DST: variants seen among roughly 807,000 people sequenced by gnomAD.
The protein encoded by DST is bullous pemphigoid antigen.
Under a neutral mutation model 875.2 loss-of-function variants are expected in DST, and 253 were observed. The observed-to-expected ratio is 0.29, with a 90% CI of 0.26 to 0.32. DST has a LOEUF of 0.32. Among genes scored for constraint, DST ranks in the 10% least tolerant of loss-of-function variants. The pLI is 1.00. For missense variants in DST, 8,287 were observed against 9,111.6 expected (o/e 0.91, Z 3.68); for synonymous variants, 3,124 against 3,197.1 (o/e 0.98, Z 0.77).
intron 7 of DST, among the ~76,000 whole-genome samples, chr6:56,703,378 G>A (rs1251622689): frequency 6.6e-6 from 1 of 152,074 alleles, no homozygotes; most frequent in Non-Finnish European, 1.5e-5. Flanking sequence ...TAACTAAAAT[G>A]CCATCATGTA....
At chr6:56,515,233 T>A (rs1287803502) in intron 72 of DST, among the ~76,000 whole-genome samples, 1 of 149,200 alleles carries the variant, frequency 6.7e-6, no homozygotes, top group East Asian at 2.0e-4. Flanking sequence ...AAAGTTGTGA[T>A]GTAATTAATG....
chr6:56,718,320 A>T (rs1176301139), intron 5 of DST, among the ~76,000 whole-genome samples: 1 of 152,234 alleles, frequency 6.6e-6, no homozygotes, highest in Non-Finnish European at 1.5e-5. Context: ...GATGCTCAAC[A>T]TTATTAGTCA....
intron 4 of DST, among the ~76,000 whole-genome samples, chr6:56,740,130 A>C (rs34566275): frequency 0.12 from 17,791 of 152,260 alleles, 1,424 homozygotes; most frequent in Middle Eastern, 0.19. Context: ...TGTTGGGATT[A>C]CAAAGTGTAG....
chr6:56,829,102 T>C (rs570584184), intron 4 of DST, among the ~76,000 whole-genome samples: 1 of 152,222 alleles, frequency 6.6e-6, no homozygotes, highest in East Asian at 1.9e-4. Context: ...AAAAGTACTA[T>C]GAAAAAAATC....
At chr6:56,485,194 T>G (rs1291069534) in intron 88 of DST, 118 bp downstream of exon 88, 2 of 1,128,042 alleles carry the variant, frequency 1.8e-6, no homozygotes, top group Admixed American at 2.1e-5. Context: ...CAATAAAGAC[T>G]GTTATGTAGT....
At chr6:56,901,269 A>C (rs532575961) in intron 2 of DST, among the ~76,000 whole-genome samples, 270 of 152,378 alleles carry the variant, frequency 1.8e-3, no homozygotes, top group Admixed American at 3.4e-3. Flanking sequence ...CATTCCACTC[A>C]CAGGGCTTTT....
At chr6:56,493,905 A>C (rs2095832157) in intron 83 of DST, 105 bp downstream of exon 83, 2 of 866,004 alleles carry the variant, frequency 2.3e-6, no homozygotes, top group South Asian at 7.7e-5. Flanking sequence ...TTAAACATAA[A>C]TCATTGAAAG....
Position 56,624,544 on chromosome 6 carries a change from G to C in DST, c.4915C>G (p.Leu1639Val). The change falls in exon 36 of 104, where the codon CTG becomes GTG. Residue 1639 changes from leucine to valine, a missense_variant. Physicochemically the swap from Leu to Val is conservative, Grantham distance 32. Coordinates refer to ENST00000680361, the MANE Select transcript of DST (RefSeq NM_001374736.1). The part of the protein sequence containing the change: ...IKFAGDSLKR[L>V]EEEEKSLEEE... Reference sequence around the variant, plus strand: ...TTAATGATTACCTCCTCCTCTTCCAGCCTCTTCAATGAATCACCAGCAAAT... The same window carrying C: ...TTAATGATTACCTCCTCCTCTTCCACCCTCTTCAATGAATCACCAGCAAAT... The C allele has an allele frequency of 6.2e-7, 1 of 1,610,714 alleles. No individual in the cohort carries two copies. Among genetic ancestry groups the C allele is most frequent in the East Asian group, 2.2e-5 (1 of 44,844 alleles).
Position 56,614,475 on chromosome 6 carries a change from C to T in DST, c.4939G>A (p.Glu1647Lys). Residue 1647 changes from glutamate (E) to lysine (K), a missense_variant, in exon 37 of 104, where the codon GAA becomes AAA. Physicochemically the swap from Glu to Lys is moderately conservative, Grantham distance 56. Transcript: ENST00000680361. ...KRLEEEEKSL[E>K]EEKKEHVEKA... ...TCAACATGTTCTTTCTTTTCTTCTTCCAGTGACTTCTGACAGTTGTGAGCG... is the reference window on the plus strand; with the variant it reads ...TCAACATGTTCTTTCTTTTCTTCTTTCAGTGACTTCTGACAGTTGTGAGCG... 1 of 1,603,326 alleles carries T rather than the reference C, an allele frequency of 6.2e-7. No individual in the cohort carries two copies. The highest frequency in any genetic ancestry group is 8.5e-7 in the Non-Finnish European group (1 of 1,175,312).
chr6:56,762,493 G>A (rs905633815), intron 4 of DST, among the ~76,000 whole-genome samples: 1 of 152,138 alleles, frequency 6.6e-6, no homozygotes, highest in Non-Finnish European at 1.5e-5. Flanking sequence ...ATGGCTGCCC[G>A]CACTCACAAT....
chr6:56,598,714 T>C lies in DST; in HGVS notation c.11695-5A>G. 6.5e-7 allele frequency: 1 copy of C among 1,528,410 alleles called. No homozygotes were observed. Among genetic ancestry groups the C allele is most frequent in the Non-Finnish European group, 8.8e-7 (1 of 1,133,512 alleles). 94.7% of individuals were successfully genotyped at this position (1,528,410 alleles called of 1,614,324 possible). A position where few individuals can be genotyped will look rare whatever the true frequency, so the allele number is the denominator to read the frequency against. On this transcript the variant is annotated splice_polypyrimidine_tract_variant and splice_region_variant and intron_variant, in intron 45 of 103. Transcript: ENST00000680361. The stretch of plus-strand genomic sequence containing the variant: ...TTGCATATCTTTCTGTAATTCCTTA[T>C]AACACAAAAGGAAAAAATATATTTT...
chr6:56,647,819 G>C (rs577973669), intron 13 of DST, among the ~76,000 whole-genome samples: 184 of 151,856 alleles, frequency 1.2e-3, no homozygotes, highest in African/African-American at 4.2e-3. Context: ...CTGAGTAACT[G>C]GGATTACAAG....
chr6:56,636,987 G>A (rs563396295), intron 22 of DST, among the ~76,000 whole-genome samples: 2 of 152,246 alleles, frequency 1.3e-5, no homozygotes, highest in South Asian at 2.1e-4. Context: ...GGAGGCCAAG[G>A]CAGGAGAATT....
chr6:56,717,007 C>T (rs1024660153), intron 5 of DST, among the ~76,000 whole-genome samples: 4 of 151,858 alleles, frequency 2.6e-5, no homozygotes, highest in African/African-American at 9.7e-5. Context: ...CGGTGAAACC[C>T]CATCTCTACT....
At chr6:56,779,482 T>G (rs1018791268) in intron 4 of DST, among the ~76,000 whole-genome samples, 30 of 152,228 alleles carry the variant, frequency 2.0e-4, no homozygotes, top group African/African-American at 6.0e-4. Context: ...TGAATGGTAT[T>G]GTCTAGGTTT....
chr6:56,627,191 T>C lies in DST; in HGVS notation c.4722+13A>G, dbSNP rs777712696. On this transcript the variant is annotated intron_variant, in intron 34 of 103. Coordinates refer to ENST00000680361, the MANE Select transcript of DST (RefSeq NM_001374736.1). Reference sequence around the variant, plus strand: ...GAATATTAAATTTTACTAAAGTTAATGAATCTTCCTACCTTCACTGTAGCT... The same window carrying C: ...GAATATTAAATTTTACTAAAGTTAACGAATCTTCCTACCTTCACTGTAGCT... The C allele has an allele frequency of 4.4e-6, 7 of 1,586,380 alleles. No individual in the cohort carries two copies. The highest frequency in any genetic ancestry group is 2.2e-5 in the South Asian group (2 of 90,548).
rs982331785 is a variant in DST, at chr6:56,620,302, T to C, written c.4929+4228A>G. Reference sequence around the variant, plus strand: ...CCAGTGTTCGTCTGGTAAAGGTGTTTTCCTCCAACTGATTGCGAAAATTCA... The same window carrying C: ...CCAGTGTTCGTCTGGTAAAGGTGTTCTCCTCCAACTGATTGCGAAAATTCA... On this transcript the variant is annotated intron_variant, in intron 36 of 103. Coordinates refer to ENST00000680361, the MANE Select transcript of DST (RefSeq NM_001374736.1). 6.2e-7 allele frequency: 1 copy of C among 1,614,186 alleles called. No homozygotes were observed. The highest frequency in any genetic ancestry group is 1.3e-5 in the African/African-American group (1 of 75,038).
At chr6:56,465,867 T>TAAAA (rs11359681) in intron 99 of DST, among the ~76,000 whole-genome samples, 18 of 112,388 alleles carry the variant, frequency 1.6e-4, no homozygotes, top group South Asian at 2.8e-4. Context: ...CCAGAAAAAG[T>TAAAA]AAAAAAAAAA....
intron 9 of DST, among the ~76,000 whole-genome samples, chr6:56,680,326 G>A (rs574781822): frequency 1.3e-5 from 2 of 152,300 alleles, no homozygotes; most frequent in East Asian, 3.9e-4. Flanking sequence ...CATAATAGAA[G>A]TGATGGGTAG....
Sources: allele counts gnomAD v4.1 joint callset (sites outside exome capture counted in the v4.1 genomes callset), GRCh38; gene constraint gnomAD v4.1.1; transcripts MANE v1.5; gene names NCBI Gene and HGNC (gene_info 2026-07-23, HGNC 2026-07-21).